The following TGFB3 variants were observed in gnomAD, a reference collection of about 807,000 sequenced individuals.
The protein encoded by TGFB3 is transforming growth factor beta-3 proprotein.
TGFB3 carries 5 observed loss-of-function variants against 40.1 expected under a neutral mutation model. The observed-to-expected ratio is 0.12, with a 90% CI of 0.07 to 0.26. TGFB3 has a LOEUF of 0.26. Ranked by LOEUF, TGFB3 falls within the 10% of genes least tolerant of loss-of-function variation. The pLI, the probability that TGFB3 is intolerant of heterozygous loss-of-function variation, is 1.00. For synonymous variants in TGFB3, 184 were observed against 205.6 expected (o/e 0.89, Z 0.90); for missense variants, 373 against 530.1 (o/e 0.70, Z 2.91).
chr14:75,964,432 A>G (rs1454041015), intron 4 of TGFB3, among the ~76,000 whole-genome samples: 1 of 152,238 alleles, frequency 6.6e-6, no homozygotes, highest in African/African-American at 2.4e-5. Flanking sequence ...TAAGCTCTGG[A>G]AAGAAAATCT....
intron 5 of TGFB3, 33 bp from the exon 6 acceptor site, chr14:75,961,109 T>C: frequency 6.2e-7 from 1 of 1,613,002 alleles, no homozygotes; most frequent in Non-Finnish European, 8.5e-7. Context: ...AAAATCAACT[T>C]AAAACCACCA....
At chr14:75,965,474 C>T (rs1303043868) in intron 4 of TGFB3, 114 bp downstream of exon 4, 2 of 881,642 alleles carry the variant, frequency 2.3e-6, no homozygotes, top group African/African-American at 1.6e-5. Flanking sequence ...TCGGCTATCT[C>T]TCTGAAGGAG....
In TGFB3 at chr14:75,980,513, C is replaced by A. The variant is rs1323174239; in HGVS notation, c.352+29G>T. 6.2e-7 allele frequency: 1 copy of A among 1,609,870 alleles called. No individual in the cohort carries two copies. The highest frequency in any genetic ancestry group is 8.5e-7 in the Non-Finnish European group (1 of 1,176,142). ...CAGCTCCAGTTCAGACCCTCCAGAG[C>A]AGACACCCCAGCGAGAATTTGGACT... On this transcript the variant is annotated intron_variant, in intron 1 of 6. Transcript: ENST00000238682. The surrounding 1 kb of genome is among the most constrained non-coding windows in gnomAD (Gnocchi z 4.3).
At chr14:75,961,193 A>T in intron 5 of TGFB3, 117 bp from the exon 6 acceptor site, 2 of 1,218,478 alleles carry the variant, frequency 1.6e-6, no homozygotes, top group East Asian at 5.1e-5. Context: ...GGCTCTGATC[A>T]ATGGAATCCC....
chr14:75,982,101 T>C (rs2035443105), upstream of TGFB3, among the ~76,000 whole-genome samples: 1 of 152,226 alleles, frequency 6.6e-6, no homozygotes, highest in South Asian at 2.1e-4. This position sits in a 1 kb window ranked among gnomAD's most constrained non-coding sequence, Gnocchi z 4.0. Flanking sequence ...TGCTGCACGA[T>C]GTTAATGTTT....
intron 3 of TGFB3, chr14:75,965,959 G>T: frequency 2.0e-6 from 1 of 492,600 alleles, no homozygotes; most frequent in Non-Finnish European, 3.7e-6. Context: ...AAACAGAAGT[G>T]GAATAATCAT....
Position 75,971,065 on chromosome 14 carries a change from T to C in TGFB3, c.646+61A>G. ...TTAATTCTGTCCTCTTCCCTCCATT[T>C]CATGGAGGACTAAGGGACCTGAGGT... On this transcript the variant is annotated intron_variant, in intron 3 of 6. Coordinates refer to ENST00000238682, the MANE Select transcript of TGFB3 (RefSeq NM_003239.5). The surrounding 1 kb of genome is among the most constrained non-coding windows in gnomAD (Gnocchi z 4.5). The C allele has an allele frequency of 6.2e-7, 1 of 1,604,266 alleles. No individual in the cohort carries two copies. Among genetic ancestry groups the C allele is most frequent in the Admixed American group, 1.7e-5 (1 of 59,970 alleles).
In TGFB3 at chr14:75,980,639, C is replaced by T; in HGVS notation, c.255G>A (p.Gly85=). Residue 85 remains glycine, a synonymous_variant, in exon 1 of 7, where the codon GGG becomes GGA. Transcript: ENST00000238682. This position sits in a 1 kb window ranked among gnomAD's most constrained non-coding sequence, Gnocchi z 4.3. Reference sequence around the variant, plus strand: ...CCTGGGTGCAGCCTTCCTCCCTCTCCCCATGCATCTCCTCCAGCAGCTCCC... The same window carrying T: ...CCTGGGTGCAGCCTTCCTCCCTCTCTCCATGCATCTCCTCCAGCAGCTCCC... ...STRELLEEMH[G]EREEGCTQEN... 6.2e-7 allele frequency: 1 copy of T among 1,614,228 alleles called. No individual in the cohort carries two copies. Among genetic ancestry groups the T allele is most frequent in the Non-Finnish European group, 8.5e-7 (1 of 1,180,036 alleles).
chr14:75,966,587 G>A (rs542133795), intron 3 of TGFB3: 1 of 152,390 alleles, frequency 6.6e-6, no homozygotes, highest in Non-Finnish European at 1.5e-5. Flanking sequence ...AGAGAACTAT[G>A]GCTGAGGGTC....
Position 75,971,595 on chromosome 14 carries a change from G to C in TGFB3, c.476C>G (p.Pro159Arg). The change falls in exon 2 of 7, where the codon CCC becomes CGC. Residue 159 changes from proline to arginine, a missense_variant. Pro to Arg is a moderately radical substitution (Grantham distance 103, BLOSUM62 -2). Coordinates refer to ENST00000238682, the MANE Select transcript of TGFB3 (RefSeq NM_003239.5). This position sits in a 1 kb window ranked among gnomAD's most constrained non-coding sequence, Gnocchi z 4.5. ...CCTCTGCTCATTCCGCTTAGAGCTG[G>C]GGTTGGGCACCCGCAAGACCCGGAA... ...AEFRVLRVPN[P>R]SSKRNEQRIE... 2 of 1,614,212 alleles carry C rather than the reference G, an allele frequency of 1.2e-6. No individual in the cohort carries two copies. Among genetic ancestry groups the C allele is most frequent in the Non-Finnish European group, 8.5e-7 (1 of 1,180,040 alleles).
intron 6 of TGFB3, 149 bp from the exon 7 acceptor site, chr14:75,959,494 G>C: frequency 1.1e-6 from 1 of 899,126 alleles, no homozygotes; most frequent in East Asian, 2.6e-5. Context: ...TGGGGGCCGG[G>C]TGCAGTGGCT....
At chr14:75,970,203 T>C (rs2035271778) in intron 3 of TGFB3, among the ~76,000 whole-genome samples, 1 of 152,052 alleles carries the variant, frequency 6.6e-6, no homozygotes, top group African/African-American at 2.4e-5. Context: ...GTTATAGCAC[T>C]CCCACACTTC....
chr14:75,962,931 T>C, intron 5 of TGFB3: 1 of 346,424 alleles, frequency 2.9e-6, no homozygotes, highest in Non-Finnish European at 5.5e-6. Flanking sequence ...GGGAACTAAC[T>C]GAGCACTTCT....
At chr14:75,982,120 C>T (rs2035443260), upstream of TGFB3, among the ~76,000 whole-genome samples, 1 of 152,206 alleles carries the variant, frequency 6.6e-6, no homozygotes. This position sits in a 1 kb window ranked among gnomAD's most constrained non-coding sequence, Gnocchi z 4.0. Flanking sequence ...TTTAAACAGG[C>T]ACAGGAAAAG....
At chr14:75,966,786 A>G (rs982386260) in intron 3 of TGFB3, 5 of 152,228 alleles carry the variant, frequency 3.3e-5, no homozygotes, top group African/African-American at 1.2e-4. Context: ...GTGAAGGAAA[A>G]AGAAAGAAAA....
chr14:75,965,790 C>T, intron 3 of TGFB3, 95 bp from the exon 4 acceptor site: 1 of 1,023,188 alleles, frequency 9.8e-7, no homozygotes, highest in Non-Finnish European at 1.5e-6. Flanking sequence ...GCCTCTGCTC[C>T]TATAGGGACT....
chr14:75,963,152 T>C, intron 5 of TGFB3, 164 bp downstream of exon 5: 1 of 824,168 alleles, frequency 1.2e-6, no homozygotes, highest in Non-Finnish European at 2.0e-6. Context: ...GAAAGAGATT[T>C]CACAGAGAAA....
At chr14:75,976,533 G>A (rs927515353) in intron 1 of TGFB3, among the ~76,000 whole-genome samples, 3 of 152,160 alleles carry the variant, frequency 2.0e-5, no homozygotes, top group African/African-American at 7.2e-5. Flanking sequence ...TGAGTTAGAA[G>A]CCCATAAACA....
rs1224310931 is a variant in TGFB3 at position 75,981,941 on chromosome 14, CCTCTCG to C, written c.-1054_-1049del. 1.3e-5 allele frequency among the ~76,000 whole-genome samples: 2 copies of C among 150,536 alleles called. No homozygotes were observed. Among genetic ancestry groups the C allele is most frequent in the Non-Finnish European group, 3.0e-5 (2 of 67,344 alleles). The stretch of plus-strand genomic sequence containing the variant: ...CTTTCTCTCTCTCCCTCTCCCTCTC[CCTCTCG>C]CTCCTCTCCCTCTCTCTCTCACACA... On this transcript the variant is annotated 5_prime_UTR_variant, in exon 1 of 7. Transcript: ENST00000238682. This position sits in a 1 kb window ranked among gnomAD's most constrained non-coding sequence, Gnocchi z 4.7.
Sources: gnomAD v4.1 joint callset for allele counts (sites outside exome capture counted in the v4.1 genomes callset) on GRCh38, gnomAD v4.1.1 for gene constraint, Gnocchi (gnomAD v3.1) non-coding constraint, MANE v1.5 for transcripts, NCBI Gene and HGNC (gene_info 2026-07-23, HGNC 2026-07-21) for gene names.